The following BRCC3 variants were observed in gnomAD, a reference collection of about 807,000 sequenced individuals.
BRCC3 encodes lys-63-specific deubiquitinase BRCC36.
Under a neutral mutation model 28.0 loss-of-function variants are expected in BRCC3, and 15 were observed. The observed-to-expected ratio is 0.54, with a 90% CI of 0.36 to 0.82. BRCC3 has a LOEUF of 0.82. BRCC3 is among the 40% of genes least tolerant of loss of function. BRCC3 has a pLI of 0.01. For synonymous variants in BRCC3, 66 were observed against 80.3 expected (o/e 0.82, Z 0.95); for missense variants, 109 against 225.9 (o/e 0.48, Z 3.32).
At chrX:155,090,408 A>C (rs1401837305) in intron 6 of BRCC3, among the ~76,000 whole-genome samples, 3 of 112,561 alleles carry the variant, frequency 2.7e-5, no homozygotes, top group Admixed American at 1.9e-4. Flanking sequence ...AGAAACACTA[A>C]AGTTCAGTAC....
chrX:155,086,559 A>G (rs1231804760), intron 5 of BRCC3, among the ~76,000 whole-genome samples: 3 of 108,706 alleles, frequency 2.8e-5, no homozygotes, highest in African/African-American at 1.0e-4. Context: ...GAGTTTCACC[A>G]CATTGGCCAG....
intron 7 of BRCC3, among the ~76,000 whole-genome samples, chrX:155,095,261 G>A (rs940412014): frequency 9.0e-6 from 1 of 111,391 alleles, no homozygotes; most frequent in South Asian, 3.7e-4. Context: ...AAAGAGTTAC[G>A]GTTAATTATT....
intron 1 of BRCC3, 126 bp downstream of exon 1, chrX:155,071,776 C>T: frequency 1.3e-6 from 1 of 772,254 alleles, no homozygotes; most frequent in Non-Finnish European, 1.8e-6. Flanking sequence ...CTTGGACACC[C>T]TTTACATAGC....
intron 10 of BRCC3, among the ~76,000 whole-genome samples, chrX:155,120,757 T>C (rs1265793116): frequency 8.9e-6 from 1 of 111,786 alleles, no homozygotes; most frequent in Admixed American, 9.5e-5. Flanking sequence ...AAACTCCTAT[T>C]GAGCAGATCC....
chrX:155,104,898 T>A (rs2074268662), intron 7 of BRCC3, among the ~76,000 whole-genome samples: 1 of 112,986 alleles, frequency 8.9e-6, no homozygotes, highest in Admixed American at 9.3e-5. Context: ...GACATATGCC[T>A]AAGAGTGTAT....
At chrX:155,116,836 A>T in intron 9 of BRCC3, 82 bp downstream of exon 9, 1 of 679,329 alleles carries the variant, frequency 1.5e-6, no homozygotes, top group East Asian at 3.6e-5. Context: ...AATTTAGTTT[A>T]AGTGAGTGAA....
At chrX:155,076,884 A>G (rs1218181078) in intron 3 of BRCC3, among the ~76,000 whole-genome samples, 1 of 112,098 alleles carries the variant, frequency 8.9e-6, no homozygotes, top group Non-Finnish European at 1.9e-5. Flanking sequence ...TGTGCAATAC[A>G]GTGTTTTGTA....
intron 8 of BRCC3, among the ~76,000 whole-genome samples, chrX:155,116,496 C>T (rs1050482541): frequency 8.9e-6 from 1 of 112,032 alleles, no homozygotes; most frequent in East Asian, 2.8e-4. Context: ...TAAATTTGTA[C>T]TAAGTCAGAG....
chrX:155,103,872 T>C (rs2074261869), intron 7 of BRCC3, among the ~76,000 whole-genome samples: 1 of 110,722 alleles, frequency 9.0e-6, no homozygotes, highest in African/African-American at 3.3e-5. Flanking sequence ...TTGTTCTGTA[T>C]AGTTTCTATT....
chrX:155,111,590 C>T lies in BRCC3; in HGVS notation c.549-4467C>T, dbSNP rs782208777. On this transcript the variant is annotated intron_variant, in intron 7 of 10. Transcript: ENST00000330045. The stretch of plus-strand genomic sequence containing the variant: ...AAGAATAATGCTGGACCACTATCTT[C>T]ACCCAATATACAAAAATTAAAATGG... Among the ~76,000 whole-genome samples the T allele has an allele frequency of 5.4e-5, 6 of 111,837 alleles. No individual in the cohort carries two copies. The East Asian group carries it at 1.4e-3, about 26-fold the overall frequency.
intron 10 of BRCC3, among the ~76,000 whole-genome samples, chrX:155,120,680 A>G (rs1292696685): frequency 9.0e-6 from 1 of 111,327 alleles, no homozygotes; most frequent in Non-Finnish European, 1.9e-5. Context: ...GATACCTATC[A>G]AACGTTGAAT....
At chrX:155,090,882 T>G (rs1298461932) in intron 7 of BRCC3, 43 bp downstream of exon 7, 2 of 933,458 alleles carry the variant, frequency 2.1e-6, no homozygotes, top group Non-Finnish European at 3.1e-6. Context: ...AGGGCTAATC[T>G]CCAATTCAGA....
At chrX:155,112,657 T>C (rs1557298260) in intron 7 of BRCC3, among the ~76,000 whole-genome samples, 1 of 112,249 alleles carries the variant, frequency 8.9e-6, no homozygotes. Context: ...CTGGAATTCC[T>C]AGCCAAAACA....
At chrX:155,080,199 T>C (rs1272895250) in intron 5 of BRCC3, among the ~76,000 whole-genome samples, 2 of 111,922 alleles carry the variant, frequency 1.8e-5, no homozygotes. Flanking sequence ...TTGACACATA[T>C]ATTACTGAAC....
chrX:155,122,062 G>A lies in BRCC3; in HGVS notation c.*858G>A, dbSNP rs2074391031. 9.1e-6 allele frequency: 1 copy of A among 109,350 alleles called. No homozygotes were observed. Among genetic ancestry groups the A allele is most frequent in the Non-Finnish European group, 1.9e-5 (1 of 52,532 alleles). The allele number at this position is 109,350 out of a possible 1,213,427, so 9.0% of individuals were successfully genotyped here. A position where few individuals can be genotyped will look rare whatever the true frequency, so the allele number is the denominator to read the frequency against. Reference sequence around the variant, plus strand: ...GGATCACTTGAGCCCAGGAGTTTGAGGCTGCGGTGAGCTGTGATCACACCA... The same window carrying A: ...GGATCACTTGAGCCCAGGAGTTTGAAGCTGCGGTGAGCTGTGATCACACCA... On this transcript the variant is annotated 3_prime_UTR_variant, in exon 11 of 11. Coordinates refer to ENST00000330045, the MANE Select transcript of BRCC3 (RefSeq NM_001018055.3).
At chrX:155,113,886 G>A (rs1378458383) in intron 7 of BRCC3, among the ~76,000 whole-genome samples, 1 of 111,320 alleles carries the variant, frequency 9.0e-6, no homozygotes, top group Non-Finnish European at 1.9e-5. Context: ...ATCACTAATT[G>A]TCAGAGAAAT....
chrX:155,090,767 C>A lies in BRCC3; in HGVS notation c.493-17C>A. On this transcript the variant is annotated splice_polypyrimidine_tract_variant and intron_variant, in intron 6 of 10. Coordinates refer to ENST00000330045, the MANE Select transcript of BRCC3 (RefSeq NM_001018055.3). ...TTCTTTGTGTGATATTTCTTTCTTT[C>A]TTTTTTCCTTTGATAGACTGGCCGG... is the stretch of plus-strand genomic sequence containing the variant. The A allele has an allele frequency of 8.6e-7, 1 of 1,168,413 alleles. No individual in the cohort carries two copies. Among genetic ancestry groups the A allele is most frequent in the Non-Finnish European group, 1.2e-6 (1 of 863,704 alleles).
intron 9 of BRCC3, among the ~76,000 whole-genome samples, chrX:155,118,682 T>C (rs782308116): frequency 3.8e-4 from 43 of 111,800 alleles, no homozygotes; most frequent in East Asian, 2.8e-3. Flanking sequence ...TATGCAGACA[T>C]CATGTGGCAA....
chrX:155,084,214 G>T (rs781962431), intron 5 of BRCC3, among the ~76,000 whole-genome samples: 18 of 112,254 alleles, frequency 1.6e-4, no homozygotes, highest in Non-Finnish European at 3.2e-4. Flanking sequence ...CCAAGACTTG[G>T]TACTGTTTGT....
Sources: gnomAD v4.1 joint callset for allele counts (sites outside exome capture counted in the v4.1 genomes callset) on GRCh38, gnomAD v4.1.1 for gene constraint, MANE v1.5 for transcripts, NCBI Gene and HGNC (gene_info 2026-07-23, HGNC 2026-07-21) for gene names.